The following SFMBT1 variants were observed in gnomAD, a reference collection of about 807,000 sequenced individuals.
SFMBT1 encodes the protein Scm like with four mbt domains 1.
In SFMBT1, 32 loss-of-function variants were observed where a neutral mutation model predicts 108.7. That is an observed-to-expected ratio of 0.29 (90% CI 0.22 to 0.40). The LOEUF is 0.40. Ranked by LOEUF, SFMBT1 falls within the 10% of genes least tolerant of loss-of-function variation. The probability of loss-of-function intolerance (pLI) is 1.00; values close to 1 mark genes in which losing one functional copy is unlikely to be tolerated. For synonymous variants in SFMBT1, 348 were observed against 369.5 expected (o/e 0.94, Z 0.67); for missense variants, 816 against 1,059.6 (o/e 0.77, Z 3.19).
At chr3:53,004,275 T>C (rs1453638885) in intron 1 of SFMBT1, among the ~76,000 whole-genome samples, 4 of 126,046 alleles carry the variant, frequency 3.2e-5, no homozygotes, top group South Asian at 3.1e-4. Flanking sequence ...TCTCTCTCTC[T>C]CCTCCTCTCT....
intron 1 of SFMBT1, among the ~76,000 whole-genome samples, chr3:53,008,717 G>A (rs551546490): frequency 1.9e-4 from 28 of 150,522 alleles, no homozygotes; most frequent in Admixed American, 1.4e-3. Flanking sequence ...TGCAAGCTCC[G>A]CCTCCCAGGT....
chr3:53,030,209 T>C (rs1484601181), intron 1 of SFMBT1, among the ~76,000 whole-genome samples: 2 of 152,192 alleles, frequency 1.3e-5, no homozygotes, highest in Non-Finnish European at 2.9e-5. Flanking sequence ...ATCCAAGATA[T>C]TTTCAGTGAA....
At position 52,999,381 on chromosome 3, in the gene SFMBT1, C is replaced by T. The variant is rs955389063; in HGVS notation, c.-130-30123G>A. Among the ~76,000 whole-genome samples, 2 of 150,486 alleles carry T rather than the reference C, an allele frequency of 1.3e-5. 1 individual carries two copies. The highest frequency in any genetic ancestry group is 3.0e-5 in the Non-Finnish European group (2 of 67,146). On this transcript the variant is annotated intron_variant, in intron 1 of 20. Coordinates refer to ENST00000394752, the MANE Select transcript of SFMBT1 (RefSeq NM_016329.4). Reference sequence around the variant, plus strand: ...CAGGCCTGCGGGGAGGAGCCACCCACGCGCCACAGCAAGTCCTGGACCTGG... The same window carrying T: ...CAGGCCTGCGGGGAGGAGCCACCCATGCGCCACAGCAAGTCCTGGACCTGG...
rs1287276461 is a variant in SFMBT1, at chr3:52,969,143, G to A, written c.-15C>T. 1 of 1,613,866 alleles carries A rather than the reference G, an allele frequency of 6.2e-7. No individual in the cohort carries two copies. The highest frequency in any genetic ancestry group is 1.3e-5 in the African/African-American group (1 of 74,888). The stretch of plus-strand genomic sequence containing the variant: ...TCCCCGTTCATTTCCACAGCATATA[G>A]GCAGGCTATATCCTCCCAAAACAAA... On this transcript the variant is annotated 5_prime_UTR_variant, in exon 2 of 21. Coordinates refer to ENST00000394752, the MANE Select transcript of SFMBT1 (RefSeq NM_016329.4).
rs776404598 is a variant in SFMBT1 at position 53,003,235 on chromosome 3, G to C, written c.-130-33977C>G. 7.6e-4 allele frequency among the ~76,000 whole-genome samples: 113 copies of C among 148,178 alleles called. 12 individuals are homozygous for C. The highest frequency in any genetic ancestry group is 1.4e-3 in the Non-Finnish European group (92 of 66,608). On this transcript the variant is annotated intron_variant, in intron 1 of 20. Transcript: ENST00000394752. ...AAACTCTCTATATGTTCTGCATCAAGCTAATACCACAATTAAAACGTATTC... is the reference window on the plus strand; with the variant it reads ...AAACTCTCTATATGTTCTGCATCAACCTAATACCACAATTAAAACGTATTC...
At chr3:52,913,689 G>C (rs1702269562) in intron 14 of SFMBT1, 72 bp from the exon 15 acceptor site, 2 of 1,542,752 alleles carry the variant, frequency 1.3e-6, no homozygotes, top group African/African-American at 2.8e-5. Flanking sequence ...TGAACTGCCA[G>C]GGAAGAAAAA....
chr3:52,973,744 C>T (rs1037925581), intron 1 of SFMBT1, among the ~76,000 whole-genome samples: 1 of 152,136 alleles, frequency 6.6e-6, no homozygotes, highest in Admixed American at 6.6e-5. Context: ...GATTCTCCTG[C>T]CTTAGCCTCC....
chr3:52,904,841 C>T lies in SFMBT1; in HGVS notation c.*295G>A. 1 of 263,144 alleles carries T rather than the reference C, an allele frequency of 3.8e-6. No individual in the cohort carries two copies. The highest frequency in any genetic ancestry group is 7.1e-6 in the Non-Finnish European group (1 of 139,956). The allele number at this position is 263,144 out of a possible 1,614,324, so 16.3% of individuals were successfully genotyped here. ...CCTAGGTTATTCTTTGTTTTCAGGC[C>T]ACACCACTGGAAATGCTTTTCTTCT... On this transcript the variant is annotated 3_prime_UTR_variant, in exon 21 of 21. Transcript: ENST00000394752.
chr3:52,965,723 A>T (rs1704109366), intron 2 of SFMBT1, among the ~76,000 whole-genome samples: 2 of 152,014 alleles, frequency 1.3e-5, no homozygotes, highest in Non-Finnish European at 2.9e-5. Context: ...AAAAAGACTA[A>T]CGGCCGGGTG....
At chr3:52,966,940 T>C (rs1437923166) in intron 2 of SFMBT1, among the ~76,000 whole-genome samples, 1 of 148,618 alleles carries the variant, frequency 6.7e-6, no homozygotes, top group African/African-American at 2.5e-5. Flanking sequence ...AAAATGAAGA[T>C]TGTGATAAGT....
Position 53,020,104 on chromosome 3 carries a change from G to GA in SFMBT1, c.-131+25711dup, listed in dbSNP as rs971385018. 3.4e-5 allele frequency among the ~76,000 whole-genome samples: 5 copies of GA among 147,602 alleles called. No individual in the cohort carries two copies. The East Asian group carries it at 5.9e-4, about 17-fold the overall frequency. On this transcript the variant is annotated intron_variant, in intron 1 of 20. Coordinates refer to ENST00000394752, the MANE Select transcript of SFMBT1 (RefSeq NM_016329.4). ...TCTTGCCGTGGCCAGTGAGTACCAA[G>GA]AAAAAAAAAAGTAGGCCGGGCGTGA...
chr3:53,033,705 C>A (rs1434315664), intron 1 of SFMBT1, among the ~76,000 whole-genome samples: 2 of 151,368 alleles, frequency 1.3e-5, no homozygotes, highest in Non-Finnish European at 1.5e-5. Flanking sequence ...CAGCTTGCAT[C>A]TCCCAAGAAT....
rs1217900337 is a variant in SFMBT1 at position 53,026,276 on chromosome 3, C to T, written c.-131+19540G>A. 7.2e-5 allele frequency among the ~76,000 whole-genome samples: 11 copies of T among 152,110 alleles called. No homozygotes were observed. The East Asian group carries it at 2.1e-3, about 29-fold the overall frequency. ...CAAAACCTGCTATCCCACCAAAATT[C>T]TCCAGTAAGTTAACATGAACTAAAT... On this transcript the variant is annotated intron_variant, in intron 1 of 20. Transcript: ENST00000394752.
rs777390457 is a variant in SFMBT1 at position 52,913,614 on chromosome 3, A to G, written c.1484T>C (p.Met495Thr). The G allele has an allele frequency of 2.6e-5, 42 of 1,612,836 alleles. No homozygotes were observed. The highest frequency in any genetic ancestry group is 4.0e-5 in the African/African-American group (3 of 74,872). Residue 495 changes from methionine to threonine, a missense_variant, in exon 15 of 21, where the codon ATG (methionine) becomes ACG (threonine). Met to Thr is a moderately conservative substitution (Grantham distance 81). This residue lies in a region of SFMBT1 where 495 missense variants were observed against 607.4 expected (regional missense o/e 0.81). Transcript: ENST00000394752. ...NQELNSTESV[M>T]INGKYCCPKI... ...TGGACAGCAATATTTTCCATTAATC[A>G]TAACTGGGAAATGAAGAAAAACAAA...
chr3:52,966,391 C>T (rs1412575812), intron 2 of SFMBT1, among the ~76,000 whole-genome samples: 5 of 150,414 alleles, frequency 3.3e-5, no homozygotes, highest in South Asian at 4.2e-4. Flanking sequence ...TTTGGGAGGC[C>T]GAGACAGGTG....
In SFMBT1 at chr3:52,962,755, C is replaced by T. The variant is rs558634274; in HGVS notation, c.28+6346G>A. Among the ~76,000 whole-genome samples, 8 of 131,224 alleles carry T rather than the reference C, an allele frequency of 6.1e-5. No individual in the cohort carries two copies. In the East Asian group the frequency reaches 6.9e-4, roughly 11 times the overall value. 86.1% of individuals were successfully genotyped at this position (131,224 alleles called of 152,430 possible). On this transcript the variant is annotated intron_variant, in intron 2 of 20. Coordinates refer to ENST00000394752, the MANE Select transcript of SFMBT1 (RefSeq NM_016329.4). ...CCCAGAGGCAGGGGTTGCAGTGAGC[C>T]GAGGTTGTGCCACTGCACTACAGCC...
At chr3:53,008,441 T>C (rs1698823423) in intron 1 of SFMBT1, among the ~76,000 whole-genome samples, 1 of 152,160 alleles carries the variant, frequency 6.6e-6, no homozygotes, top group Non-Finnish European at 1.5e-5. Flanking sequence ...ACAATCTTAA[T>C]ACATACACAC....
intron 1 of SFMBT1, among the ~76,000 whole-genome samples, chr3:53,029,857 C>G (rs931120039): frequency 3.3e-5 from 5 of 152,068 alleles, no homozygotes; most frequent in Non-Finnish European, 7.4e-5. Context: ...ACCTCCAACT[C>G]CTCTTACTCC....
In SFMBT1 at chr3:52,995,523, T is replaced by TG. The variant is rs1698292903; in HGVS notation, c.-130-26266_-130-26265insC. On this transcript the variant is annotated intron_variant, in intron 1 of 20. Transcript: ENST00000394752. The stretch of plus-strand genomic sequence containing the variant: ...TCCCATTCTCAGCCTACCAAGTAGC[T>TG]AGGACTACAGGCATATGCCACCATG... Among the ~76,000 whole-genome samples, 6 of 150,118 alleles carry TG rather than the reference T, an allele frequency of 4.0e-5. No homozygotes were observed. The South Asian group carries it at 1.3e-3, about 32-fold the overall frequency.
Sources: allele counts gnomAD v4.1 joint callset (sites outside exome capture counted in the v4.1 genomes callset), GRCh38; gene constraint gnomAD v4.1.1; regional missense constraint gnomAD v4.1.1; transcripts MANE v1.5; gene names NCBI Gene and HGNC (gene_info 2026-07-23, HGNC 2026-07-21).